RCL1: variants seen among roughly 807,000 people sequenced by gnomAD.
RCL1 encodes RNA terminal phosphate cyclase like 1.
Under a neutral mutation model 42.4 loss-of-function variants are expected in RCL1, and 24 were observed. The ratio of observed to expected loss-of-function variants is 0.57; its 90% CI spans 0.41 to 0.80. RCL1 has a LOEUF of 0.80. Ranked by LOEUF, RCL1 falls within the 30% of genes least tolerant of loss-of-function variation. RCL1 has a pLI of 0.00. For missense variants in RCL1, 578 were observed against 467.9 expected (o/e 1.24, Z -2.17); for synonymous variants, 228 against 177.3 (o/e 1.29, Z -2.27).
chr9:4,820,107 A>T (rs1156817176), intron 1 of RCL1, among the ~76,000 whole-genome samples: 2 of 152,218 alleles, frequency 1.3e-5, no homozygotes, highest in East Asian at 3.8e-4. Flanking sequence ...ATAGTTTTAT[A>T]ACCTAATTAT....
At chr9:4,810,777 C>T (rs1452075778) in intron 1 of RCL1, among the ~76,000 whole-genome samples, 2 of 152,216 alleles carry the variant, frequency 1.3e-5, no homozygotes, top group Non-Finnish European at 1.5e-5. Context: ...TCCTATTCAG[C>T]ACTTGGTATT....
intron 1 of RCL1, among the ~76,000 whole-genome samples, chr9:4,799,777 C>G (rs973032595): frequency 1.3e-5 from 2 of 152,054 alleles, no homozygotes; most frequent in African/African-American, 4.8e-5. Context: ...TTGTCACTAC[C>G]TCCCTGGGTT....
In RCL1 at chr9:4,793,305, G is replaced by C. The variant is rs997546973; in HGVS notation, c.136+78G>C. The stretch of plus-strand genomic sequence containing the variant: ...GAGCTGATGCCGTGGGGGCCCGCGC[G>C]GTGTTGGTTGGGCGGCTCGGCGTCC... On this transcript the variant is annotated intron_variant, in intron 1 of 8. Transcript: ENST00000381750. The C allele has an allele frequency of 2.1e-5, 31 of 1,463,906 alleles. No homozygotes were observed. In the South Asian group the frequency reaches 2.4e-4, roughly 11 times the overall value. 90.7% of individuals were successfully genotyped at this position (1,463,906 alleles called of 1,614,324 possible). A position where few individuals can be genotyped will look rare whatever the true frequency, so the allele number is the denominator to read the frequency against.
At chr9:4,817,284 A>G (rs1345488544) in intron 1 of RCL1, among the ~76,000 whole-genome samples, 1 of 152,014 alleles carries the variant, frequency 6.6e-6, no homozygotes, top group Non-Finnish European at 1.5e-5. Context: ...ATAGCTTTCT[A>G]TCTTAATTCC....
At chr9:4,821,729 C>G (rs1349713266) in intron 1 of RCL1, among the ~76,000 whole-genome samples, 1 of 152,170 alleles carries the variant, frequency 6.6e-6, no homozygotes, top group Non-Finnish European at 1.5e-5. Context: ...ATCCTCCCAC[C>G]TCAGCCTCCT....
chr9:4,799,530 G>T (rs1282643443), intron 1 of RCL1, among the ~76,000 whole-genome samples: 1 of 152,028 alleles, frequency 6.6e-6, no homozygotes, highest in East Asian at 1.9e-4. Flanking sequence ...TTGCTCTTTT[G>T]TAGCCACACT....
Position 4,852,630 on chromosome 9 carries a change from G to A in RCL1, c.971+3080G>A, listed in dbSNP as rs552393080. On this transcript the variant is annotated intron_variant, in intron 8 of 8. Coordinates refer to ENST00000381750, the MANE Select transcript of RCL1 (RefSeq NM_005772.5). Reference sequence around the variant, plus strand: ...CGTGGTCCTGAAGTCCTGGACTTGTGGAGATGGAACGAAGCTTAGATTAAG... The same window carrying A: ...CGTGGTCCTGAAGTCCTGGACTTGTAGAGATGGAACGAAGCTTAGATTAAG... 3.1e-4 allele frequency among the ~76,000 whole-genome samples: 47 copies of A among 152,294 alleles called. No individual in the cohort carries two copies. The Middle Eastern group carries it at 0.01, about 33-fold the overall frequency.
chr9:4,825,890 A>T (rs1308741920), intron 2 of RCL1, among the ~76,000 whole-genome samples: 1 of 151,660 alleles, frequency 6.6e-6, no homozygotes, highest in African/African-American at 2.4e-5. Flanking sequence ...TGAGCCTAGG[A>T]GTTTCAGACT....
In RCL1 at chr9:4,836,161, A is replaced by G. The variant is rs1349783032; in HGVS notation, c.584+1896A>G. 3.3e-5 allele frequency among the ~76,000 whole-genome samples: 5 copies of G among 152,200 alleles called. No homozygotes were observed. The South Asian group carries it at 8.3e-4, about 25-fold the overall frequency. On this transcript the variant is annotated intron_variant, in intron 5 of 8. Transcript: ENST00000381750. Reference sequence around the variant, plus strand: ...CAGTAAGGTCCTTGCTGAAGGTGTAATGTTAACACAGTGCCAGCTGCATGG... The same window carrying G: ...CAGTAAGGTCCTTGCTGAAGGTGTAGTGTTAACACAGTGCCAGCTGCATGG...
intron 5 of RCL1, among the ~76,000 whole-genome samples, chr9:4,834,567 G>A (rs1337973594): frequency 1.3e-5 from 2 of 150,980 alleles, no homozygotes; most frequent in Non-Finnish European, 2.9e-5. Context: ...TGGGGGCCAT[G>A]AATATACTGC....
intron 2 of RCL1, among the ~76,000 whole-genome samples, chr9:4,826,604 C>G (rs1279506341): frequency 6.6e-6 from 1 of 152,202 alleles, no homozygotes; most frequent in African/African-American, 2.4e-5. Context: ...ATGACTCTGG[C>G]AACTCAGATG....
chr9:4,833,126 A>G (rs1042482499), intron 3 of RCL1, 28 bp from the exon 4 acceptor site: 1 of 1,541,626 alleles, frequency 6.5e-7, no homozygotes, highest in East Asian at 2.2e-5. Flanking sequence ...GCTTAATTAA[A>G]CTTTTCTTTT....
intron 1 of RCL1, chr9:4,803,667 C>T (rs760386958): frequency 3.9e-5 from 6 of 151,990 alleles, no homozygotes; most frequent in Admixed American, 6.6e-5. Flanking sequence ...AGCACTTGAC[C>T]ATGATTGTAG....
At chr9:4,853,390 C>A (rs1009751422) in intron 8 of RCL1, among the ~76,000 whole-genome samples, 2 of 151,080 alleles carry the variant, frequency 1.3e-5, no homozygotes, top group African/African-American at 4.9e-5. Flanking sequence ...GGCGCGATCT[C>A]AGCTCACTGC....
chr9:4,832,571 G>A (rs1370810627), intron 3 of RCL1, among the ~76,000 whole-genome samples: 1 of 152,124 alleles, frequency 6.6e-6, no homozygotes, highest in African/African-American at 2.4e-5. Flanking sequence ...AGCACTTTGG[G>A]AGGCTGAGGT....
intron 6 of RCL1, among the ~76,000 whole-genome samples, chr9:4,842,225 G>T (rs1435336991): frequency 1.3e-5 from 2 of 152,192 alleles, no homozygotes; most frequent in African/African-American, 4.8e-5. Flanking sequence ...GAATATTAGA[G>T]TCTGGGGTTA....
At chr9:4,799,039 TC>T (rs1368058073) in intron 1 of RCL1, among the ~76,000 whole-genome samples, 1 of 99,348 alleles carries the variant, frequency 1.0e-5, no homozygotes, top group Admixed American at 1.2e-4. Context: ...CTTTCCCCCT[TC>T]CCCCCTCTCT....
intron 1 of RCL1, among the ~76,000 whole-genome samples, chr9:4,813,009 G>C (rs1224017523): frequency 6.6e-6 from 1 of 152,242 alleles, no homozygotes; most frequent in Non-Finnish European, 1.5e-5. Context: ...CATGTTGTCT[G>C]CAAACGGGAA....
chr9:4,805,483 A>T (rs1815901246), intron 1 of RCL1, among the ~76,000 whole-genome samples: 1 of 152,220 alleles, frequency 6.6e-6, no homozygotes, highest in South Asian at 2.1e-4. Context: ...TTTGGATCAA[A>T]TATTAGTTGG....
Sources: allele counts gnomAD v4.1 joint callset (sites outside exome capture counted in the v4.1 genomes callset), GRCh38; gene constraint gnomAD v4.1.1; transcripts MANE v1.5; gene names NCBI Gene and HGNC (gene_info 2026-07-23, HGNC 2026-07-21).